Variants in SETD9 observed in about 807,000 individuals in gnomAD.
The protein encoded by SETD9 is SET domain containing 9, also known as SET domain-containing protein 9.
A neutral mutation model predicts 36.4 loss-of-function variants in SETD9; 37 were observed. That is an observed-to-expected ratio of 1.02 (90% CI 0.78 to 1.34). The LOEUF (loss-of-function observed/expected upper bound fraction) is 1.34. Ranked by LOEUF, SETD9 falls within the 40% of genes most tolerant of loss-of-function variation. The pLI is 0.00. For synonymous variants in SETD9, 128 were observed against 132.9 expected (o/e 0.96, Z 0.26); for missense variants, 323 against 353.2 (o/e 0.91, Z 0.69).
downstream of SETD9, among the ~76,000 whole-genome samples, chr5:56,918,484 A>AT (rs1156862034): frequency 2.6e-5 from 4 of 152,176 alleles, no homozygotes; most frequent in Admixed American, 1.3e-4. Flanking sequence ...TATGGCCAAA[A>AT]TGACTTCTAG....
intron 2 of SETD9, among the ~76,000 whole-genome samples, chr5:56,912,645 ATTAT>A (rs1749198115): frequency 6.6e-6 from 1 of 152,238 alleles, no homozygotes. Flanking sequence ...ATGTGTCTAC[ATTAT>A]TTAATTATTA....
intron 5 of SETD9, 134 bp from the exon 6 acceptor site, chr5:56,916,681 T>C: frequency 2.5e-6 from 2 of 787,400 alleles, no homozygotes; most frequent in Non-Finnish European, 3.9e-6. Context: ...TATTTCCTCA[T>C]GGAAATCAAA....
intron 1 of SETD9, chr5:56,910,083 A>T (rs1217265232): frequency 1.6e-6 from 2 of 1,255,372 alleles, no homozygotes; most frequent in Non-Finnish European, 2.0e-6. Flanking sequence ...CGCCAGCCGG[A>T]TGTGTCGCCT....
Position 56,912,329 on chromosome 5 carries a change from A to C in SETD9, c.467-682A>C, listed in dbSNP as rs151126777. 11 of 729,054 alleles carry C rather than the reference A, an allele frequency of 1.5e-5. No individual in the cohort carries two copies. In the East Asian group the frequency reaches 6.6e-4, roughly 44 times the overall value. The allele number at this position is 729,054 out of a possible 1,614,324, so 45.2% of individuals were successfully genotyped here. On this transcript the variant is annotated intron_variant, in intron 2 of 5. Coordinates refer to ENST00000285947, the MANE Select transcript of SETD9 (RefSeq NM_153706.4). ...AGACTACGTTATGTGTTAAACTAACATTATATTATTTGGTATAGTGGAAAG... is the reference window on the plus strand; with the variant it reads ...AGACTACGTTATGTGTTAAACTAACCTTATATTATTTGGTATAGTGGAAAG...
At chr5:56,927,326 TAAC>T (rs1456410311), downstream of SETD9, among the ~76,000 whole-genome samples, 2 of 152,112 alleles carry the variant, frequency 1.3e-5, no homozygotes, top group Non-Finnish European at 2.9e-5. Flanking sequence ...GATATAATAA[TAAC>T]TATAGGAGTG....
At chr5:56,921,753 C>T (rs550325947), downstream of SETD9, 3 of 152,584 alleles carry the variant, frequency 2.0e-5, no homozygotes, top group Non-Finnish European at 4.4e-5. Flanking sequence ...TAGTAAAAAT[C>T]AAGAATTTTA....
At chr5:56,909,502 G>C (rs527654973), upstream of SETD9, 79 of 572,528 alleles carry the variant, frequency 1.4e-4, 1 homozygote, top group South Asian at 1.8e-3. Context: ...CAGAGCAACA[G>C]AAGTCAGGCG....
At chr5:56,909,595 C>A, upstream of SETD9, 1 of 1,476,268 alleles carries the variant, frequency 6.8e-7, no homozygotes, top group Non-Finnish European at 9.2e-7. Flanking sequence ...GGGCCCGAGG[C>A]CTCGATCCGC....
chr5:56,912,450 T>G (rs961729661), intron 2 of SETD9, among the ~76,000 whole-genome samples: 3 of 152,196 alleles, frequency 2.0e-5, no homozygotes, highest in Non-Finnish European at 4.4e-5. Flanking sequence ...GAGTTTCAGT[T>G]TCCTGCTGTA....
intron 2 of SETD9, chr5:56,912,219 C>G (rs2112015647): frequency 2.0e-6 from 2 of 985,048 alleles, no homozygotes; most frequent in South Asian, 9.4e-5. Flanking sequence ...ACCCATAAGT[C>G]ACCGAATGAA....
At chr5:56,928,341 G>C (rs1009562131), downstream of SETD9, 4 of 152,822 alleles carry the variant, frequency 2.6e-5, no homozygotes, top group Admixed American at 1.3e-4. Context: ...AGTTCCTGTT[G>C]CTTCCCATCC....
chr5:56,927,245 TTTAA>T (rs1750034888), downstream of SETD9, among the ~76,000 whole-genome samples: 2 of 152,160 alleles, frequency 1.3e-5, no homozygotes, highest in African/African-American at 2.4e-5. Flanking sequence ...AACTATGGAC[TTTAA>T]TTAATAATAA....
chr5:56,912,736 T>C (rs1302825728), intron 2 of SETD9, among the ~76,000 whole-genome samples: 1 of 152,158 alleles, frequency 6.6e-6, no homozygotes, highest in Non-Finnish European at 1.5e-5. Context: ...TGTATATATA[T>C]ACACATATAC....
At chr5:56,909,800 C>G (rs1561215563) in intron 1 of SETD9, 57 bp downstream of exon 1, 5 of 1,444,146 alleles carry the variant, frequency 3.5e-6, no homozygotes. Context: ...CAGACGCCAC[C>G]ACGGCGGCGG....
intron 1 of SETD9, chr5:56,910,222 C>G (rs1331316176): frequency 1.9e-5 from 24 of 1,287,098 alleles, no homozygotes; most frequent in African/African-American, 1.5e-4. Flanking sequence ...TAATTAGGTG[C>G]TTGAACTTCC....
At chr5:56,912,717 ATG>A (rs999386037) in intron 2 of SETD9, among the ~76,000 whole-genome samples, 5 of 152,164 alleles carry the variant, frequency 3.3e-5, no homozygotes, top group South Asian at 2.1e-4. Context: ...TTAAATATAT[ATG>A]TGTGTGTGTA....
downstream of SETD9, among the ~76,000 whole-genome samples, chr5:56,917,697 C>T (rs1471117330): frequency 1.3e-5 from 2 of 152,260 alleles, no homozygotes; most frequent in Admixed American, 6.5e-5. Context: ...TGGCAGTTCT[C>T]TGCCTTGTGC....
At chr5:56,915,552 A>T (rs1749382400) in intron 5 of SETD9, among the ~76,000 whole-genome samples, 1 of 152,248 alleles carries the variant, frequency 6.6e-6, no homozygotes, top group Non-Finnish European at 1.5e-5. Context: ...ACAGTGCTGT[A>T]GGAAGATACA....
downstream of SETD9, chr5:56,928,158 A>C (rs574033066): frequency 1.3e-5 from 2 of 152,356 alleles, no homozygotes; most frequent in Non-Finnish European, 2.9e-5. Flanking sequence ...AATTATGATG[A>C]AAGCTGCTAT....
Sources: gnomAD v4.1 joint callset for allele counts (sites outside exome capture counted in the v4.1 genomes callset) on GRCh38, gnomAD v4.1.1 for gene constraint, MANE v1.5 for transcripts, NCBI Gene and HGNC (gene_info 2026-07-23, HGNC 2026-07-21) for gene names.